Variants in ZNF143 observed in about 807,000 individuals in gnomAD.
ZNF143 encodes the protein zinc finger protein 143.
ZNF143 carries 49 observed loss-of-function variants against 74.1 expected under a neutral mutation model. The observed-to-expected ratio is 0.66, with a 90% CI of 0.53 to 0.84. The LOEUF (loss-of-function observed/expected upper bound fraction) is 0.84, where lower values mean the gene tolerates loss of function less well. Among genes scored for constraint, ZNF143 ranks in the 40% least tolerant of loss-of-function variants. ZNF143 has a pLI of 0.00. For synonymous variants in ZNF143, 304 were observed against 282.8 expected (o/e 1.07, Z -0.75); for missense variants, 637 against 793.4 (o/e 0.80, Z 2.37).
intron 11 of ZNF143, among the ~76,000 whole-genome samples, chr11:9,503,192 T>C (rs1187388153): frequency 2.0e-5 from 3 of 152,196 alleles, no homozygotes; most frequent in African/African-American, 7.2e-5. Context: ...CTTTTTTCAG[T>C]AACTGAATAG....
chr11:9,495,560 C>T (rs917712136), intron 8 of ZNF143, among the ~76,000 whole-genome samples: 2 of 152,206 alleles, frequency 1.3e-5, no homozygotes, highest in African/African-American at 2.4e-5. Context: ...CAATGTGTCA[C>T]GAAGTATGCA....
Position 9,527,546 on chromosome 11 carries a change from C to G in ZNF143, c.1850C>G (p.Ser617Cys). 6.2e-7 allele frequency: 1 copy of G among 1,614,072 alleles called. No individual in the cohort carries two copies. Among genetic ancestry groups the G allele is most frequent in the Non-Finnish European group, 8.5e-7 (1 of 1,179,994 alleles). ...QIAVQLGEQP[S>C]LEEAIRIASR... ...CTGTTTCAGCTTGGAGAACAGCCAT[C>G]TCTGGAAGAAGCCATCAGAATAGCG... Residue 617 changes from serine to cysteine, a missense_variant, in exon 16 of 16, where the codon TCT becomes TGT. Coordinates refer to ENST00000396602, the MANE Select transcript of ZNF143 (RefSeq NM_003442.6).
chr11:9,481,858 A>C (rs966650784), intron 7 of ZNF143, among the ~76,000 whole-genome samples: 3 of 146,824 alleles, frequency 2.0e-5, no homozygotes, highest in Non-Finnish European at 4.5e-5. Context: ...ACTGCACCCC[A>C]GCCTGGGCAA....
At chr11:9,507,297 A>G (rs1160102233) in intron 11 of ZNF143, among the ~76,000 whole-genome samples, 1 of 152,174 alleles carries the variant, frequency 6.6e-6, no homozygotes, top group African/African-American at 2.4e-5. Flanking sequence ...AGTTCACACC[A>G]ATACCTCCAA....
intron 10 of ZNF143, among the ~76,000 whole-genome samples, chr11:9,500,394 G>A (rs1286489675): frequency 6.6e-6 from 1 of 150,788 alleles, no homozygotes; most frequent in Non-Finnish European, 1.5e-5. Context: ...TCCTGACACA[G>A]TTAATATTAG....
chr11:9,492,616 T>G (rs1001390381), intron 7 of ZNF143, among the ~76,000 whole-genome samples: 3 of 152,186 alleles, frequency 2.0e-5, no homozygotes, highest in Admixed American at 2.0e-4. Flanking sequence ...TTGAAAAAAT[T>G]GAACAATTAT....
chr11:9,477,155 C>CTTCA (rs1856963042), intron 5 of ZNF143, among the ~76,000 whole-genome samples: 6 of 127,140 alleles, frequency 4.7e-5, no homozygotes, highest in Non-Finnish European at 8.7e-5. Flanking sequence ...TCCTTCCTTC[C>CTTCA]TTCCTTCCTT....
chr11:9,498,209 C>T (rs1388800244), intron 10 of ZNF143, among the ~76,000 whole-genome samples: 1 of 152,220 alleles, frequency 6.6e-6, no homozygotes, highest in Non-Finnish European at 1.5e-5. Context: ...TCAAGGGCTT[C>T]TCTTGAAACC....
At chr11:9,470,198 A>T (rs1217916691) in intron 1 of ZNF143, among the ~76,000 whole-genome samples, 1 of 152,184 alleles carries the variant, frequency 6.6e-6, no homozygotes, top group Non-Finnish European at 1.5e-5. Flanking sequence ...GGTGATTGGT[A>T]GAAGAGTTGC....
intron 1 of ZNF143, among the ~76,000 whole-genome samples, chr11:9,462,668 G>A (rs1159494954): frequency 6.6e-6 from 1 of 152,140 alleles, no homozygotes; most frequent in Non-Finnish European, 1.5e-5. Context: ...GAGGTCAGGA[G>A]TTCGAGACCA....
chr11:9,476,116 T>C (rs1413135781), intron 5 of ZNF143, among the ~76,000 whole-genome samples: 1 of 152,056 alleles, frequency 6.6e-6, no homozygotes, highest in African/African-American at 2.4e-5. Flanking sequence ...GAATGATGAG[T>C]ACAGCTCTGC....
chr11:9,475,523 C>T (rs908327280), intron 5 of ZNF143, among the ~76,000 whole-genome samples: 5 of 152,180 alleles, frequency 3.3e-5, no homozygotes, highest in African/African-American at 1.2e-4. Flanking sequence ...TCAAGCAGTC[C>T]TCCTGCTCCG....
intron 7 of ZNF143, among the ~76,000 whole-genome samples, chr11:9,486,429 T>TTATA (rs1298757760): frequency 2.2e-5 from 1 of 45,224 alleles, no homozygotes; most frequent in Non-Finnish European, 4.4e-5. Context: ...ATTATATATA[T>TTATA]TATATATATA....
intron 7 of ZNF143, among the ~76,000 whole-genome samples, chr11:9,482,969 G>T (rs1847307906): frequency 6.6e-6 from 1 of 150,944 alleles, no homozygotes; most frequent in African/African-American, 2.5e-5. Flanking sequence ...GGTTACTAGA[G>T]ATTTTTTGTT....
At chr11:9,515,493 C>T (rs1565064615) in intron 13 of ZNF143, among the ~76,000 whole-genome samples, 1 of 150,556 alleles carries the variant, frequency 6.6e-6, no homozygotes, top group Non-Finnish European at 1.5e-5. Context: ...ACTAAAAACA[C>T]ACAAAAAAAA....
rs559268316 is a variant in ZNF143, at chr11:9,478,603, T to C, written c.570+17T>C. ...GCAGCAAAGGTATAGCATTTCACAA[T>C]GTCAAGAATGTTGCAGATATAGCTT... On this transcript the variant is annotated intron_variant, in intron 6 of 15. Coordinates refer to ENST00000396602, the MANE Select transcript of ZNF143 (RefSeq NM_003442.6). 2.5e-6 allele frequency: 4 copies of C among 1,591,270 alleles called. No homozygotes were observed. In the East Asian group the frequency reaches 9.0e-5, roughly 36 times the overall value.
chr11:9,492,981 A>C (rs1314510812), intron 7 of ZNF143, among the ~76,000 whole-genome samples: 1 of 152,194 alleles, frequency 6.6e-6, no homozygotes, highest in East Asian at 1.9e-4. Context: ...TTTTCTAGCC[A>C]GAAAAAATGT....
intron 11 of ZNF143, among the ~76,000 whole-genome samples, chr11:9,506,324 C>T (rs1375835592): frequency 6.6e-6 from 1 of 152,208 alleles, no homozygotes; most frequent in Non-Finnish European, 1.5e-5. Flanking sequence ...CAGAGCGAGA[C>T]TCCGTCTCAA....
chr11:9,493,284 A>G (rs766798348), intron 7 of ZNF143, among the ~76,000 whole-genome samples: 16 of 151,864 alleles, frequency 1.1e-4, no homozygotes, highest in Non-Finnish European at 2.1e-4. Context: ...GTTAGCCAGG[A>G]TGGTCTCGAT....
Sources: gnomAD v4.1 joint callset for allele counts (sites outside exome capture counted in the v4.1 genomes callset) on GRCh38, gnomAD v4.1.1 for gene constraint, MANE v1.5 for transcripts, NCBI Gene and HGNC (gene_info 2026-07-23, HGNC 2026-07-21) for gene names.